Variants in SLC38A5 observed in about 807,000 individuals in gnomAD.
SLC38A5 encodes the protein sodium-coupled neutral amino acid transporter 5.
Under a neutral mutation model 34.6 loss-of-function variants are expected in SLC38A5, and 9 were observed. That is an observed-to-expected ratio of 0.26 (90% CI 0.16 to 0.45). The LOEUF is 0.45. SLC38A5 is among the 20% of genes least tolerant of loss of function. The pLI is 1.00. For missense variants in SLC38A5, 253 were observed against 394.7 expected, an observed-to-expected ratio of 0.64 and a Z score of 3.04; for synonymous variants, 157 against 155.6, an observed-to-expected ratio of 1.01 and a Z score of -0.07.
intron 4 of SLC38A5, 129 bp from the exon 5 acceptor site, chrX:48,467,206 G>A (rs2061483968): frequency 2.0e-6 from 1 of 510,191 alleles, no homozygotes; most frequent in Non-Finnish European, 3.3e-6. Flanking sequence ...GAGACCATCG[G>A]AGGAGGGAAG....
At chrX:48,461,133 T>C in intron 12 of SLC38A5, 47 bp from the exon 13 acceptor site, 1 of 1,082,192 alleles carries the variant, frequency 9.2e-7, no homozygotes, top group East Asian at 3.1e-5. Flanking sequence ...CCCTGAGACT[T>C]GCCCCAGGTC....
chrX:48,466,288 T>C lies in SLC38A5; in HGVS notation c.354A>G (p.Ala118=), dbSNP rs781974639. The C allele has an allele frequency of 8.3e-7, 1 of 1,201,196 alleles. No individual in the cohort carries two copies. Among genetic ancestry groups the C allele is most frequent in the Non-Finnish European group, 1.1e-6 (1 of 891,252 alleles). The change falls in exon 7 of 17, where the codon GCA becomes GCG. Residue 118 remains alanine (A), a synonymous_variant. Transcript: ENST00000620913. ...IRAYEQLGQR[A]FGPAGKVVVA... ...CCACTACCTTCCCCGCAGGCCCGAA[T>C]GCCCTCTGTCCCAGCTGCTCATAGG... is the stretch of plus-strand genomic sequence containing the variant.
chrX:48,458,583 G>T lies in SLC38A5; in HGVS notation c.*350C>A. Reference sequence around the variant, plus strand: ...CTTTATTTTTCCTCTTTAGCCCGAGGGTAATCCTGACAAACAGCTTCAGCC... The same window carrying T: ...CTTTATTTTTCCTCTTTAGCCCGAGTGTAATCCTGACAAACAGCTTCAGCC... On this transcript the variant is annotated 3_prime_UTR_variant, in exon 17 of 17. Transcript: ENST00000620913. 1.2e-6 allele frequency: 1 copy of T among 856,786 alleles called. No individual in the cohort carries two copies. The highest frequency in any genetic ancestry group is 1.4e-6 in the Non-Finnish European group (1 of 703,820). The allele number at this position is 856,786 out of a possible 1,213,427, so 70.6% of individuals were successfully genotyped here.
intron 3 of SLC38A5, 23 bp from the exon 4 acceptor site, chrX:48,467,808 G>T (rs1556963935): frequency 7.5e-6 from 9 of 1,204,314 alleles, no homozygotes; most frequent in Non-Finnish European, 1.0e-5. Context: ...GGGAAATAGG[G>T]GCCGATAAGA....
intron 13 of SLC38A5, 109 bp from the exon 14 acceptor site, chrX:48,460,873 G>A (rs2061429019): frequency 1.6e-5 from 16 of 1,005,903 alleles, no homozygotes; most frequent in Non-Finnish European, 2.1e-5. Flanking sequence ...ACACAAGTGA[G>A]GCACACCTTC....
chrX:48,468,462 T>G (rs2061495182), intron 2 of SLC38A5: 3 of 688,741 alleles, frequency 4.4e-6, no homozygotes, highest in Non-Finnish European at 1.7e-6. Context: ...ACCCCCCTCC[T>G]TCCCGCCTGG....
At position 48,468,393 on chromosome X, in the gene SLC38A5, G is replaced by A. The variant is rs782753208; in HGVS notation, c.-1-468C>T. ...CTCCACCCTCACCGCGTGGCCAGGC[G>A]GCTCACTCCTTGCAGGGACACGTGT... On this transcript the variant is annotated intron_variant, in intron 2 of 16. Transcript: ENST00000620913. 1.7e-5 allele frequency: 13 copies of A among 761,776 alleles called. No homozygotes were observed. The East Asian group carries it at 7.0e-4, about 41-fold the overall frequency. The allele number at this position is 761,776 out of a possible 1,213,427, so 62.8% of individuals were successfully genotyped here.
chrX:48,461,689 C>A (rs782514354), intron 12 of SLC38A5, 29 bp downstream of exon 12: 3 of 1,174,107 alleles, frequency 2.6e-6, no homozygotes, highest in Non-Finnish European at 2.3e-6. Flanking sequence ...GCTGGCCCAT[C>A]ATTCAGGCCC....
intron 8 of SLC38A5, among the ~76,000 whole-genome samples, chrX:48,463,853 G>GAGAAAGAAAGAAAGAAAGAA (rs201520618): frequency 2.1e-4 from 16 of 76,997 alleles, no homozygotes; most frequent in East Asian, 8.5e-4. Flanking sequence ...AAGAAAGAGA[G>GAGAAAGAAAGAAAGAAAGAA]AGAAAGAAAG....
Position 48,458,992 on chromosome X carries a change from T to C in SLC38A5, c.1360A>G (p.Ser454Gly). The C allele has an allele frequency of 8.4e-7, 1 of 1,195,501 alleles. No homozygotes were observed. Among genetic ancestry groups the C allele is most frequent in the Non-Finnish European group, 1.1e-6 (1 of 886,626 alleles). Reference sequence around the variant, plus strand: ...CAGTTGGCAAACATAAAGCCTAGACTGACGGCCATGAAGAGGACTCCCAGG... The same window carrying C: ...CAGTTGGCAAACATAAAGCCTAGACCGACGGCCATGAAGAGGACTCCCAGG... ...GVLGVLFMAV[S>G]LGFMFANWAT... Residue 454 changes from serine to glycine, a missense_variant, in exon 17 of 17, where the codon AGT (serine) becomes GGT (glycine). By Grantham distance (56) the Ser-to-Gly change is moderately conservative (BLOSUM62 0). Around this residue, in one of 3 missense-constraint regions of SLC38A5, gnomAD observed 176 missense variants for 273.0 expected, o/e 0.64. Coordinates refer to ENST00000620913, the MANE Select transcript of SLC38A5 (RefSeq NM_033518.4).
At chrX:48,468,194 G>A in intron 2 of SLC38A5, 1 of 1,030,806 alleles carries the variant, frequency 9.7e-7, no homozygotes. Context: ...CAGTGAGAGA[G>A]AAATAGTGGG....
chrX:48,465,826 G>A (rs1249192550), intron 8 of SLC38A5, among the ~76,000 whole-genome samples, 189 bp downstream of exon 8: 3 of 111,298 alleles, frequency 2.7e-5, no homozygotes, highest in Non-Finnish European at 3.8e-5. Context: ...ATCAGCACAC[G>A]GTCGACTGGA....
chrX:48,463,148 A>T (rs1389995638), intron 8 of SLC38A5, among the ~76,000 whole-genome samples, 168 bp from the exon 9 acceptor site: 1 of 112,782 alleles, frequency 8.9e-6, no homozygotes, highest in African/African-American at 3.2e-5. Context: ...CAAACGGCAC[A>T]ATAGGGTTGA....
At chrX:48,461,506 G>T (rs2061433940) in intron 12 of SLC38A5, among the ~76,000 whole-genome samples, 3 of 111,805 alleles carry the variant, frequency 2.7e-5, no homozygotes, top group Non-Finnish European at 5.6e-5. Context: ...ATTTGTGCTG[G>T]ATATTAAAAT....
intron 8 of SLC38A5, among the ~76,000 whole-genome samples, chrX:48,464,782 A>G (rs1556962802): frequency 2.7e-5 from 3 of 110,798 alleles, no homozygotes; most frequent in African/African-American, 9.9e-5. Context: ...TAAAATTAAA[A>G]AATTAACCGA....
intron 16 of SLC38A5, 177 bp downstream of exon 16, chrX:48,459,359 G>A (rs2061419390): frequency 4.2e-6 from 2 of 472,747 alleles, no homozygotes; most frequent in Non-Finnish European, 6.7e-6. Context: ...GGACCCTGCT[G>A]GTGCTCTGTC....
In SLC38A5 at chrX:48,458,685, T is replaced by TCCC; in HGVS notation, c.*247_*248insGGG. The TCCC allele has an allele frequency of 1.0e-6, 1 of 984,820 alleles. No individual in the cohort carries two copies. The highest frequency in any genetic ancestry group is 1.3e-6 in the Non-Finnish European group (1 of 782,499). The allele number at this position is 984,820 out of a possible 1,213,427, so 81.2% of individuals were successfully genotyped here. ...CTCCTCCTCCTCCTCCTCCTCCTCC[T>TCCC]CCTCCTCCTCTTCTTCCTCCTCCTC... On this transcript the variant is annotated 3_prime_UTR_variant, in exon 17 of 17. Coordinates refer to ENST00000620913, the MANE Select transcript of SLC38A5 (RefSeq NM_033518.4).
intron 16 of SLC38A5, 157 bp from the exon 17 acceptor site, chrX:48,459,191 T>C (rs1556961326): frequency 1.8e-6 from 1 of 561,277 alleles, no homozygotes; most frequent in African/African-American, 2.3e-5. Flanking sequence ...AGCCCCTTTC[T>C]GCGAGTCCTT....
At chrX:48,462,185 G>A in intron 10 of SLC38A5, 41 bp from the exon 11 acceptor site, 1 of 1,211,382 alleles carries the variant, frequency 8.3e-7, no homozygotes, top group Non-Finnish European at 1.1e-6. Flanking sequence ...CATGGAGGAA[G>A]CTATGTCCCA....
Sources: allele counts gnomAD v4.1 joint callset (sites outside exome capture counted in the v4.1 genomes callset), GRCh38; gene constraint gnomAD v4.1.1; regional missense constraint gnomAD v4.1.1; transcripts MANE v1.5; gene names NCBI Gene and HGNC (gene_info 2026-07-23, HGNC 2026-07-21).